CWC15: variants seen among roughly 807,000 people sequenced by gnomAD.
CWC15 encodes spliceosome-associated protein CWC15 homolog.
Under a neutral mutation model 28.4 loss-of-function variants are expected in CWC15, and 12 were observed. The observed-to-expected ratio is 0.42, with a 90% CI of 0.27 to 0.69. The LOEUF (loss-of-function observed/expected upper bound fraction) is 0.69, where lower values mean the gene tolerates loss of function less well. Among genes scored for constraint, CWC15 ranks in the 30% least tolerant of loss-of-function variants. The pLI, the probability that CWC15 is intolerant of heterozygous loss-of-function variation, is 0.23. For synonymous variants in CWC15, 92 were observed against 88.4 expected (o/e 1.04, Z -0.23); for missense variants, 192 against 271.5 (o/e 0.71, Z 2.06).
rs1785019733 is a variant in CWC15, at chr11:94,963,232, T to C, written c.*153A>G. On this transcript the variant is annotated 3_prime_UTR_variant, in exon 7 of 7. Coordinates refer to ENST00000279839, the MANE Select transcript of CWC15 (RefSeq NM_016403.4). ...GTTAAACCTATTCCCAAGTCCATTA[T>C]CAAGTAAGGTATCACTAAAGAAAAA... is the stretch of plus-strand genomic sequence containing the variant. 2.0e-6 allele frequency: 1 copy of C among 501,206 alleles called. No individual in the cohort carries two copies. Among genetic ancestry groups the C allele is most frequent in the African/African-American group, 2.0e-5 (1 of 50,084 alleles). The allele number at this position is 501,206 out of a possible 1,614,324, so 31.0% of individuals were successfully genotyped here. A position where few individuals can be genotyped will look rare whatever the true frequency, so the allele number is the denominator to read the frequency against.
intron 1 of CWC15, among the ~76,000 whole-genome samples, chr11:94,972,513 T>C (rs71460621): frequency 0.036 from 5,455 of 152,244 alleles, 138 homozygotes; most frequent in Non-Finnish European, 0.052. Flanking sequence ...ATATTCCTCA[T>C]AGATTATAAG....
intron 6 of CWC15, among the ~76,000 whole-genome samples, chr11:94,964,175 T>C (rs1352535516): frequency 6.6e-6 from 1 of 151,170 alleles, no homozygotes; most frequent in Non-Finnish European, 1.5e-5. Context: ...TTATAGAAAA[T>C]AAAGAGCATG....
intron 6 of CWC15, among the ~76,000 whole-genome samples, chr11:94,965,919 G>A (rs1486200338): frequency 1.3e-5 from 2 of 152,120 alleles, no homozygotes; most frequent in African/African-American, 4.8e-5. Flanking sequence ...CAAGTCCCCT[G>A]AGTTCTTCTA....
chr11:94,966,498 C>T (rs1362296904), intron 5 of CWC15, 85 bp from the exon 6 acceptor site: 4 of 508,908 alleles, frequency 7.9e-6, no homozygotes, highest in African/African-American at 6.8e-5. Flanking sequence ...AAAAAAAAAA[C>T]AAAACTGATC....
At chr11:94,966,887 T>C (rs587652169) in intron 5 of CWC15, among the ~76,000 whole-genome samples, 2 of 152,304 alleles carry the variant, frequency 1.3e-5, no homozygotes, top group South Asian at 4.1e-4. Flanking sequence ...GAATTACTAA[T>C]AATGTAAACT....
chr11:94,972,373 A>G (rs1373276457), intron 1 of CWC15, among the ~76,000 whole-genome samples, 180 bp from the exon 2 acceptor site: 1 of 152,350 alleles, frequency 6.6e-6, no homozygotes, highest in Non-Finnish European at 1.5e-5. Context: ...TACAAGGAAT[A>G]TGGCTTCTCA....
At chr11:94,964,251 T>A (rs1025994657) in intron 6 of CWC15, among the ~76,000 whole-genome samples, 6 of 116,024 alleles carry the variant, frequency 5.2e-5, no homozygotes, top group Non-Finnish European at 1.8e-5. Context: ...CCCTCACAAA[T>A]ATATATATAA....
chr11:94,963,812 T>C (rs1857600904), intron 6 of CWC15, among the ~76,000 whole-genome samples: 1 of 152,192 alleles, frequency 6.6e-6, no homozygotes, highest in African/African-American at 2.4e-5. Context: ...ATATTTAATG[T>C]TTTTAGGTCT....
intron 4 of CWC15, 159 bp downstream of exon 4, chr11:94,970,818 A>C (rs1256560391): frequency 1.6e-6 from 1 of 637,512 alleles, no homozygotes; most frequent in African/African-American, 1.8e-5. Context: ...TTTTGATTTT[A>C]AAATCAACTA....
At position 94,963,210 on chromosome 11, in the gene CWC15, A is replaced by T; in HGVS notation, c.*175T>A. The T allele has an allele frequency of 2.2e-6, 1 of 444,562 alleles. No homozygotes were observed. Among genetic ancestry groups the T allele is most frequent in the Non-Finnish European group, 3.9e-6 (1 of 259,654 alleles). 27.5% of individuals were successfully genotyped at this position (444,562 alleles called of 1,614,324 possible). ...ACATTTGGAGAATGCAAACTGGGTT[A>T]AACCTATTCCCAAGTCCATTATCAA... On this transcript the variant is annotated 3_prime_UTR_variant, in exon 7 of 7. Transcript: ENST00000279839.
At chr11:94,972,789 G>T (rs1857741831) in intron 1 of CWC15, among the ~76,000 whole-genome samples, 1 of 152,152 alleles carries the variant, frequency 6.6e-6, no homozygotes, top group Non-Finnish European at 1.5e-5. Flanking sequence ...ACAACCGTTT[G>T]TTGAGCCAAT....
At chr11:94,968,339 A>G (rs766812391) in intron 5 of CWC15, among the ~76,000 whole-genome samples, 9 of 152,212 alleles carry the variant, frequency 5.9e-5, no homozygotes, top group Non-Finnish European at 1.3e-4. Context: ...AACATGGCAA[A>G]AACCAGCCAA....
chr11:94,970,474 T>A (rs1857704007), intron 4 of CWC15: 1 of 176,054 alleles, frequency 5.7e-6, no homozygotes, highest in African/African-American at 2.4e-5. Flanking sequence ...GGCTCTAGGG[T>A]CCCACAGAAT....
Position 94,963,378 on chromosome 11 carries a change from A to T in CWC15, c.*7T>A, listed in dbSNP as rs782505364. ...TTACAGTCTTTAATTAAGCACATAAAACTGTACTATTTAATATATTTCTCC... is the reference window on the plus strand; with the variant it reads ...TTACAGTCTTTAATTAAGCACATAATACTGTACTATTTAATATATTTCTCC... On this transcript the variant is annotated 3_prime_UTR_variant, in exon 7 of 7. Coordinates refer to ENST00000279839, the MANE Select transcript of CWC15 (RefSeq NM_016403.4). 51 of 1,568,450 alleles carry T rather than the reference A, an allele frequency of 3.3e-5. No individual in the cohort carries two copies. Among genetic ancestry groups the T allele is most frequent in the Non-Finnish European group, 4.3e-5 (50 of 1,154,794 alleles).
intron 1 of CWC15, chr11:94,973,191 G>A (rs1285344871): frequency 2.0e-5 from 3 of 152,386 alleles, no homozygotes; most frequent in Admixed American, 1.3e-4. Context: ...CCGTGAGCTA[G>A]TCTTTGGCTA....
chr11:94,966,087 T>C (rs1857635832), intron 6 of CWC15, among the ~76,000 whole-genome samples: 2 of 152,186 alleles, frequency 1.3e-5, no homozygotes, highest in South Asian at 4.1e-4. Context: ...TTATTTTCTT[T>C]CATTTGGCTT....
chr11:94,963,474 C>T lies in CWC15; in HGVS notation c.601G>A (p.Val201Ile), dbSNP rs369419406. The T allele has an allele frequency of 2.5e-6, 4 of 1,581,340 alleles. No homozygotes were observed. The highest frequency in any genetic ancestry group is 1.3e-5 in the African/African-American group (1 of 74,488). ...DVVFKNCAKG[V>I]DDQKKDKRFV... is the part of the protein sequence containing the mutation. Reference sequence around the variant, plus strand: ...CTTTTGTCTTTCTTCTGGTCATCTACACCTTTTGCACAGTTCTTGAAGACA... The same window carrying T: ...CTTTTGTCTTTCTTCTGGTCATCTATACCTTTTGCACAGTTCTTGAAGACA... The change falls in exon 7 of 7, where the codon GTA (valine) becomes ATA (isoleucine). Residue 201 changes from valine (V) to isoleucine (I), a missense_variant. Val to Ile is a conservative substitution (Grantham distance 29). Transcript: ENST00000279839.
At chr11:94,968,420 T>C (rs1303496972) in intron 5 of CWC15, among the ~76,000 whole-genome samples, 3 of 152,208 alleles carry the variant, frequency 2.0e-5, no homozygotes, top group Non-Finnish European at 4.4e-5. Context: ...TTAATACAGA[T>C]ATTAGATGAA....
rs1555094618 is a variant in CWC15 at position 94,963,057 on chromosome 11, G to C, written c.*328C>G. On this transcript the variant is annotated 3_prime_UTR_variant, in exon 7 of 7. Transcript: ENST00000279839. ...ACAATGGTAATTTTTCTTTTCAAAAGATATTATGGAATGTATTACTAGCAG... is the reference window on the plus strand; with the variant it reads ...ACAATGGTAATTTTTCTTTTCAAAACATATTATGGAATGTATTACTAGCAG... The C allele has an allele frequency of 5.8e-6, 1 of 172,368 alleles. No homozygotes were observed. The highest frequency in any genetic ancestry group is 1.2e-5 in the Non-Finnish European group (1 of 81,890). The allele number at this position is 172,368 out of a possible 1,614,324, so 10.7% of individuals were successfully genotyped here. A position where few individuals can be genotyped will look rare whatever the true frequency, so the allele number is the denominator to read the frequency against.
Sources: allele counts gnomAD v4.1 joint callset (sites outside exome capture counted in the v4.1 genomes callset), GRCh38; gene constraint gnomAD v4.1.1; transcripts MANE v1.5; gene names NCBI Gene and HGNC (gene_info 2026-07-23, HGNC 2026-07-21).